Variants in TMEM132E observed in about 807,000 individuals in gnomAD.
TMEM132E encodes the protein transmembrane protein 132E.
In TMEM132E, 49 loss-of-function variants were observed where a neutral mutation model predicts 78.5. That is an observed-to-expected ratio of 0.62 (90% CI 0.50 to 0.79). TMEM132E has a LOEUF of 0.79. Ranked by LOEUF, TMEM132E falls within the 30% of genes least tolerant of loss-of-function variation. The pLI is 0.00. For synonymous variants in TMEM132E, 715 were observed against 670.6 expected (o/e 1.07, Z -1.02); for missense variants, 1,403 against 1,470.9 (o/e 0.95, Z 0.75).
chr17:34,600,433 G>GTGTC (rs1906199789), intron 1 of TMEM132E, among the ~76,000 whole-genome samples: 1 of 151,024 alleles, frequency 6.6e-6, no homozygotes, highest in South Asian at 2.1e-4. Flanking sequence ...ATGAGTGTGT[G>GTGTC]TGTGTGTGTG....
chr17:34,597,427 C>G (rs1304856427), intron 1 of TMEM132E, among the ~76,000 whole-genome samples: 1 of 152,148 alleles, frequency 6.6e-6, no homozygotes, highest in African/African-American at 2.4e-5. Context: ...GGAAAAAGAT[C>G]TTAGGATCTT....
chr17:34,636,253 T>A, intron 8 of TMEM132E, 55 bp downstream of exon 8: 1 of 1,387,404 alleles, frequency 7.2e-7, no homozygotes, highest in Non-Finnish European at 9.4e-7. Flanking sequence ...AAGGAGAACT[T>A]GGGGGCTCTG....
chr17:34,638,255 G>T lies in TMEM132E; in HGVS notation c.*23G>T. On this transcript the variant is annotated 3_prime_UTR_variant, in exon 9 of 9. Coordinates refer to ENST00000631683, the MANE Select transcript of TMEM132E (RefSeq NM_001304438.2). ...TAGAGGCGCCAGCCGGAGTAGCAGG[G>T]ACCCCCCCCCCCAACGGGGTCAGCT... The T allele has an allele frequency of 6.8e-7, 1 of 1,461,548 alleles. No individual in the cohort carries two copies. The highest frequency in any genetic ancestry group is 1.5e-5 in the South Asian group (1 of 68,754). The allele number at this position is 1,461,548 out of a possible 1,614,324, so 90.5% of individuals were successfully genotyped here. A position where few individuals can be genotyped will look rare whatever the true frequency, so the allele number is the denominator to read the frequency against.
chr17:34,633,468 C>T (rs750384730), intron 6 of TMEM132E, among the ~76,000 whole-genome samples: 2 of 152,242 alleles, frequency 1.3e-5, no homozygotes, highest in Non-Finnish European at 2.9e-5. Flanking sequence ...GGCTCCCTTG[C>T]GGGCTTGTAG....
chr17:34,615,618 C>G (rs1351458832), intron 1 of TMEM132E, among the ~76,000 whole-genome samples: 1 of 151,616 alleles, frequency 6.6e-6, no homozygotes, highest in Non-Finnish European at 1.5e-5. Context: ...CGACAATCCT[C>G]TGTTCCACAC....
In TMEM132E at chr17:34,626,706, C is replaced by G; in HGVS notation, c.647C>G (p.Pro216Arg). 7.2e-7 allele frequency: 1 copy of G among 1,383,244 alleles called. No homozygotes were observed. Among genetic ancestry groups the G allele is most frequent in the Non-Finnish European group, 9.5e-7 (1 of 1,056,180 alleles). 85.7% of individuals were successfully genotyped at this position (1,383,244 alleles called of 1,614,324 possible). A position where few individuals can be genotyped will look rare whatever the true frequency, so the allele number is the denominator to read the frequency against. The change falls in exon 2 of 9, where the codon CCG becomes CGG. Residue 216 changes from proline to arginine, a missense_variant. Coordinates refer to ENST00000631683, the MANE Select transcript of TMEM132E (RefSeq NM_001304438.2). Reference protein sequence around the residue: ...AAPPTARRKSPDGLEPEATGE... With the variant: ...AAPPTARRKSRDGLEPEATGE... Reference sequence around the variant, plus strand: ...CCACCCACGGCCCGCCGCAAGTCCCCGGACGGGCTGGAGCCCGAGGCGACG... The same window carrying G: ...CCACCCACGGCCCGCCGCAAGTCCCGGGACGGGCTGGAGCCCGAGGCGACG...
chr17:34,599,793 G>A (rs1305879921), intron 1 of TMEM132E, among the ~76,000 whole-genome samples: 2 of 152,212 alleles, frequency 1.3e-5, no homozygotes, highest in African/African-American at 2.4e-5. Flanking sequence ...CTCACTCACT[G>A]TCAGAGCAAG....
chr17:34,627,150 C>G (rs1907178992), intron 2 of TMEM132E, 93 bp downstream of exon 2: 2 of 1,341,832 alleles, frequency 1.5e-6, no homozygotes, highest in Non-Finnish European at 2.1e-6. Context: ...GGGGGGACCT[C>G]CCAGCTGTAT....
intron 1 of TMEM132E, among the ~76,000 whole-genome samples, chr17:34,582,327 C>T (rs554607383): frequency 6.6e-6 from 1 of 152,240 alleles, no homozygotes; most frequent in African/African-American, 2.4e-5. Context: ...CTCAAGCTCG[C>T]CAGGAGTGTG....
At chr17:34,618,264 G>T (rs961265664) in intron 1 of TMEM132E, among the ~76,000 whole-genome samples, 1 of 152,088 alleles carries the variant, frequency 6.6e-6, no homozygotes, top group Non-Finnish European at 1.5e-5. Flanking sequence ...TAGAGACAGG[G>T]TCTCACTCTG....
At chr17:34,597,584 C>T (rs1429053897) in intron 1 of TMEM132E, among the ~76,000 whole-genome samples, 1 of 152,072 alleles carries the variant, frequency 6.6e-6, no homozygotes, top group Non-Finnish European at 1.5e-5. Context: ...AGACCCCAGG[C>T]ATGATTCTTC....
chr17:34,587,369 G>C (rs756543120), intron 1 of TMEM132E, among the ~76,000 whole-genome samples: 1 of 152,130 alleles, frequency 6.6e-6, no homozygotes, highest in African/African-American at 2.4e-5. Flanking sequence ...CTGTGGCAGT[G>C]GGGGGGAATG....
intron 1 of TMEM132E, among the ~76,000 whole-genome samples, chr17:34,595,321 G>A (rs1252544834): frequency 1.3e-5 from 2 of 152,218 alleles, no homozygotes; most frequent in Non-Finnish European, 2.9e-5. Flanking sequence ...CCACCTCTTA[G>A]ATCATAAGAA....
chr17:34,603,262 T>A (rs946014483), intron 1 of TMEM132E, among the ~76,000 whole-genome samples: 2 of 151,994 alleles, frequency 1.3e-5, no homozygotes, highest in Non-Finnish European at 2.9e-5. Flanking sequence ...ATTCCTCCAC[T>A]GCAATGTTAG....
Position 34,638,390 on chromosome 17 carries a change from T to G in TMEM132E, c.*158T>G. The G allele has an allele frequency of 1.3e-6, 1 of 753,720 alleles. No individual in the cohort carries two copies. Among genetic ancestry groups the G allele is most frequent in the South Asian group, 2.0e-5 (1 of 49,386 alleles). The allele number at this position is 753,720 out of a possible 1,614,324, so 46.7% of individuals were successfully genotyped here. On this transcript the variant is annotated 3_prime_UTR_variant, in exon 9 of 9. Transcript: ENST00000631683. ...CTCCGTGCGGAGCGGGCCGCCTCAG[T>G]GTCTGGGCCTTCCCTCGCCTCACGC...
chr17:34,629,605 A>C (rs1202796965), intron 4 of TMEM132E, among the ~76,000 whole-genome samples: 1 of 152,124 alleles, frequency 6.6e-6, no homozygotes, highest in African/African-American at 2.4e-5. Context: ...AAAGAACTAT[A>C]GATTTAGAAA....
At chr17:34,631,609 T>A (rs1417786473) in intron 5 of TMEM132E, among the ~76,000 whole-genome samples, 1 of 152,220 alleles carries the variant, frequency 6.6e-6, no homozygotes. Flanking sequence ...GAAATGAGCA[T>A]TTCTGGCAGG....
At chr17:34,598,509 A>T (rs1906129265) in intron 1 of TMEM132E, among the ~76,000 whole-genome samples, 1 of 151,896 alleles carries the variant, frequency 6.6e-6, no homozygotes, top group African/African-American at 2.4e-5. Flanking sequence ...CTGATTAGAA[A>T]TGCAGGCCCC....
chr17:34,616,069 C>T (rs1045787521), intron 1 of TMEM132E, among the ~76,000 whole-genome samples: 6 of 152,144 alleles, frequency 3.9e-5, no homozygotes, highest in Admixed American at 1.3e-4. Context: ...GCCAGCCTGA[C>T]CCAAACCTTT....
Sources: gnomAD v4.1 joint callset for allele counts (sites outside exome capture counted in the v4.1 genomes callset) on GRCh38, gnomAD v4.1.1 for gene constraint, MANE v1.5 for transcripts, NCBI Gene and HGNC (gene_info 2026-07-23, HGNC 2026-07-21) for gene names.